STAG1: variants seen among roughly 807,000 people sequenced by gnomAD.
STAG1 encodes the protein cohesin subunit SA-1.
A neutral mutation model predicts 170.9 loss-of-function variants in STAG1; 26 were observed. The observed-to-expected ratio is 0.15, with a 90% CI of 0.11 to 0.21. The LOEUF (loss-of-function observed/expected upper bound fraction) is 0.21. Among genes scored for constraint, STAG1 ranks in the 10% least tolerant of loss-of-function variants. The pLI is 1.00. For missense variants in STAG1, 964 were observed against 1,509.5 expected, an observed-to-expected ratio of 0.64 and a Z score of 5.99; for synonymous variants, 514 against 497.7, an observed-to-expected ratio of 1.03 and a Z score of -0.44.
Position 136,526,093 on chromosome 3 carries a change from C to T in STAG1, c.472-4676G>A, listed in dbSNP as rs187185110. ...TTCTGTTAATTTGGGGTGGAGAGTTCTGTAGATGTCTATTAATTCTGCTTG... is the reference window on the plus strand; with the variant it reads ...TTCTGTTAATTTGGGGTGGAGAGTTTTGTAGATGTCTATTAATTCTGCTTG... On this transcript the variant is annotated intron_variant, in intron 6 of 33. Transcript: ENST00000383202. Among the ~76,000 whole-genome samples, 83 of 152,272 alleles carry T rather than the reference C, an allele frequency of 5.5e-4. No individual in the cohort carries two copies. The Middle Eastern group carries it at 0.01, about 19-fold the overall frequency.
chr3:136,563,486 C>T (rs192189672), intron 5 of STAG1, among the ~76,000 whole-genome samples: 1 of 151,928 alleles, frequency 6.6e-6, no homozygotes, highest in Non-Finnish European at 1.5e-5. Context: ...CATTCCCTCA[C>T]CTCAATTCCC....
At chr3:136,734,135 A>AAAAAC (rs1228794223) in intron 1 of STAG1, among the ~76,000 whole-genome samples, 1 of 151,420 alleles carries the variant, frequency 6.6e-6, no homozygotes, top group Non-Finnish European at 1.5e-5. Flanking sequence ...AAAACAAAAC[A>AAAAAC]AAAACAAAAC....
At chr3:136,457,680 CT>C (rs1237020272) in intron 13 of STAG1, among the ~76,000 whole-genome samples, 1 of 152,134 alleles carries the variant, frequency 6.6e-6, no homozygotes, top group Non-Finnish European at 1.5e-5. Context: ...GACAAGAAAA[CT>C]TCAAGGTATA....
chr3:136,381,916 T>G (rs960762635), intron 22 of STAG1, among the ~76,000 whole-genome samples: 1 of 152,184 alleles, frequency 6.6e-6, no homozygotes. Context: ...TGAGAACAGA[T>G]AGCTGTCAAC....
chr3:136,439,632 T>C (rs1381860658), intron 15 of STAG1, among the ~76,000 whole-genome samples: 1 of 152,178 alleles, frequency 6.6e-6, no homozygotes, highest in Non-Finnish European at 1.5e-5. Flanking sequence ...AGCATTTTGT[T>C]GTCATAAAAT....
At chr3:136,691,089 G>A (rs1223141093) in intron 1 of STAG1, among the ~76,000 whole-genome samples, 3 of 151,786 alleles carry the variant, frequency 2.0e-5, no homozygotes, top group Non-Finnish European at 2.9e-5. Context: ...CTTGAGCCCA[G>A]GAGTTCGAGA....
chr3:136,552,099 C>CA (rs1236596547), intron 5 of STAG1, among the ~76,000 whole-genome samples: 7 of 152,150 alleles, frequency 4.6e-5, no homozygotes, highest in Non-Finnish European at 1.0e-4. Flanking sequence ...ACAGTACCTG[C>CA]ACGTCAGCCT....
At chr3:136,555,333 G>T (rs1053816054) in intron 5 of STAG1, among the ~76,000 whole-genome samples, 1 of 151,328 alleles carries the variant, frequency 6.6e-6, no homozygotes, top group Admixed American at 6.6e-5. Flanking sequence ...GAAACATAGC[G>T]AGTCTCTAAA....
chr3:136,728,941 T>G (rs148772735), intron 1 of STAG1, among the ~76,000 whole-genome samples: 1,698 of 152,184 alleles, frequency 0.011, 28 homozygotes, highest in East Asian at 0.048. Flanking sequence ...ACAAAACAAA[T>G]AAAGGAGGGA....
At chr3:136,403,511 T>G (rs1330666532) in intron 21 of STAG1, among the ~76,000 whole-genome samples, 1 of 152,046 alleles carries the variant, frequency 6.6e-6, no homozygotes, top group African/African-American at 2.4e-5. Context: ...AGGTAAATTC[T>G]AAATTATAAT....
chr3:136,736,544 T>C, intron 1 of STAG1: 1 of 1,498,044 alleles, frequency 6.7e-7, no homozygotes, highest in Non-Finnish European at 9.3e-7. Flanking sequence ...AGGTCCGATT[T>C]ATCTTCTCTT....
chr3:136,536,606 C>A (rs1220139955), intron 6 of STAG1, among the ~76,000 whole-genome samples: 1 of 149,916 alleles, frequency 6.7e-6, no homozygotes, highest in Non-Finnish European at 1.5e-5. Flanking sequence ...GAGGCTAAGG[C>A]ACGAGAATCG....
rs114534032 is a variant in STAG1 at position 136,640,105 on chromosome 3, C to A, written c.-83-9124G>T. Among the ~76,000 whole-genome samples the A allele has an allele frequency of 8.0e-3, 1,213 of 152,228 alleles. 22 individuals carry two copies. Among genetic ancestry groups the A allele is most frequent in the African/African-American group, 0.027 (1,116 of 41,528 alleles). On this transcript the variant is annotated intron_variant, in intron 1 of 33. Transcript: ENST00000383202. ...TGATGCAGTGAAAAATTCTCTGGGACCACAATCCAGAATAAATGAGTTCTT... is the reference window on the plus strand; with the variant it reads ...TGATGCAGTGAAAAATTCTCTGGGAACACAATCCAGAATAAATGAGTTCTT...
intron 25 of STAG1, among the ~76,000 whole-genome samples, chr3:136,366,632 C>A (rs1937083062): frequency 6.6e-6 from 1 of 152,130 alleles, no homozygotes; most frequent in Non-Finnish European, 1.5e-5. Flanking sequence ...AGTATTCCCT[C>A]CCATCTGTGC....
At chr3:136,346,011 TAAA>T (rs1297252330) in intron 29 of STAG1, among the ~76,000 whole-genome samples, 1 of 152,236 alleles carries the variant, frequency 6.6e-6, no homozygotes, top group Non-Finnish European at 1.5e-5. Flanking sequence ...AATTTTATGA[TAAA>T]AAGATTATTA....
At chr3:136,682,988 T>G (rs192963475) in intron 1 of STAG1, among the ~76,000 whole-genome samples, 42 of 152,262 alleles carry the variant, frequency 2.8e-4, no homozygotes, top group Non-Finnish European at 4.7e-4. Flanking sequence ...TTGAGGATAT[T>G]GTGTTAAGCG....
At chr3:136,466,374 A>G (rs996618591) in intron 12 of STAG1, among the ~76,000 whole-genome samples, 1 of 152,214 alleles carries the variant, frequency 6.6e-6, no homozygotes, top group Non-Finnish European at 1.5e-5. Context: ...TTCAGTAGCC[A>G]ATTCGATCAA....
chr3:136,505,748 G>GA (rs1329893531), intron 7 of STAG1, among the ~76,000 whole-genome samples: 9 of 152,154 alleles, frequency 5.9e-5, no homozygotes, highest in Admixed American at 1.3e-4. Flanking sequence ...ATATGCAAAT[G>GA]AAAAAACCAC....
chr3:136,579,958 A>ATTTTTTTTTTTTTTTTTTTTTTTTT lies in STAG1; in HGVS notation c.298-11122_298-11098dup, dbSNP rs749325884. 9.5e-5 allele frequency among the ~76,000 whole-genome samples: 7 copies of ATTTTTTTTTTTTTTTTTTTTTTTTT among 73,646 alleles called. 1 individual carries two copies. Among genetic ancestry groups the ATTTTTTTTTTTTTTTTTTTTTTTTT allele is most frequent in the Non-Finnish European group, 1.5e-4 (6 of 41,054 alleles). 48.3% of individuals were successfully genotyped at this position (73,646 alleles called of 152,430 possible). A position where few individuals can be genotyped will look rare whatever the true frequency, so the allele number is the denominator to read the frequency against. ...CTATTTTGGTCACAATACCATCTGA[A>ATTTTTTTTTTTTTTTTTTTTTTTTT]TTTTTTTTTTTTTTTTTTTTTTTTT... On this transcript the variant is annotated intron_variant, in intron 4 of 33. Coordinates refer to ENST00000383202, the MANE Select transcript of STAG1 (RefSeq NM_005862.3).
Sources: allele counts gnomAD v4.1 joint callset (sites outside exome capture counted in the v4.1 genomes callset), GRCh38; gene constraint gnomAD v4.1.1; transcripts MANE v1.5; gene names NCBI Gene and HGNC (gene_info 2026-07-23, HGNC 2026-07-21).